TCF20: variants seen among roughly 807,000 people sequenced by gnomAD.
TCF20 encodes the protein SPRE-binding protein.
In TCF20, 3 loss-of-function variants were observed where a neutral mutation model predicts 148.6. The ratio of observed to expected loss-of-function variants is 0.02; its 90% CI spans 0.01 to 0.05. The LOEUF (loss-of-function observed/expected upper bound fraction) is 0.05. TCF20 is among the 10% of genes least tolerant of loss of function. TCF20 has a pLI of 1.00. For synonymous variants in TCF20, 1,049 were observed against 909.5 expected, an observed-to-expected ratio of 1.15 and a Z score of -2.76; for missense variants, 2,350 against 2,429.3, an observed-to-expected ratio of 0.97 and a Z score of 0.69.
intron 1 of TCF20, among the ~76,000 whole-genome samples, chr22:42,227,802 A>G (rs890638869): frequency 1.3e-5 from 2 of 152,176 alleles, no homozygotes. Flanking sequence ...GCAATACCAG[A>G]CACATGGTGC....
chr22:42,170,016 T>C (rs1936026359), intron 3 of TCF20, 120 bp from the exon 4 acceptor site: 4 of 892,444 alleles, frequency 4.5e-6, no homozygotes, highest in South Asian at 3.1e-5. Flanking sequence ...TTACTTCTAA[T>C]AGGAAAACAT....
intron 1 of TCF20, among the ~76,000 whole-genome samples, chr22:42,296,858 G>A (rs775819654): frequency 4.6e-5 from 7 of 152,368 alleles, no homozygotes; most frequent in Non-Finnish European, 8.8e-5. Flanking sequence ...AAAGCAGCAC[G>A]AGGAGCAGGG....
intron 1 of TCF20, among the ~76,000 whole-genome samples, chr22:42,215,713 C>T (rs1030066816): frequency 5.9e-5 from 9 of 152,070 alleles, no homozygotes; most frequent in South Asian, 2.1e-4. Context: ...CCTCGTGATC[C>T]GCCCACCTCG....
At chr22:42,197,700 A>G (rs1937675018) in intron 2 of TCF20, among the ~76,000 whole-genome samples, 1 of 152,206 alleles carries the variant, frequency 6.6e-6, no homozygotes, top group Non-Finnish European at 1.5e-5. Context: ...ATACATCTCA[A>G]TTTTCCAGAG....
chr22:42,301,874 G>T (rs1927342405), intron 1 of TCF20, among the ~76,000 whole-genome samples: 1 of 152,274 alleles, frequency 6.6e-6, no homozygotes, highest in African/African-American at 2.4e-5. Flanking sequence ...CGCTTGGCTG[G>T]ACGGCCACGG....
intron 1 of TCF20, among the ~76,000 whole-genome samples, chr22:42,229,954 A>C (rs1923249828): frequency 6.6e-6 from 1 of 152,204 alleles, no homozygotes; most frequent in South Asian, 2.1e-4. Flanking sequence ...AAGGTCCTCA[A>C]ACAGCAGCCA....
intron 1 of TCF20, among the ~76,000 whole-genome samples, chr22:42,315,976 G>A (rs1030339032): frequency 1.3e-5 from 2 of 151,898 alleles, no homozygotes; most frequent in Non-Finnish European, 2.9e-5. Flanking sequence ...TTAGCTGGGC[G>A]TGGTGGTGCA....
chr22:42,183,261 G>C (rs1936867605), intron 2 of TCF20, among the ~76,000 whole-genome samples: 1 of 152,092 alleles, frequency 6.6e-6, no homozygotes, highest in African/African-American at 2.4e-5. Flanking sequence ...AGAGCAATCA[G>C]ATCTTGGGAT....
chr22:42,322,140 T>G (rs1927744015), intron 1 of TCF20, among the ~76,000 whole-genome samples: 1 of 151,770 alleles, frequency 6.6e-6, no homozygotes, highest in Non-Finnish European at 1.5e-5. Flanking sequence ...TTTTCCTTTC[T>G]CATTCAAAAA....
At chr22:42,264,024 CAG>C (rs1263715613) in intron 1 of TCF20, among the ~76,000 whole-genome samples, 6 of 152,050 alleles carry the variant, frequency 3.9e-5, no homozygotes, top group Admixed American at 3.3e-4. Flanking sequence ...ATTCTATAAT[CAG>C]AGAGTATGGA....
At chr22:42,189,473 T>C (rs1937216910) in intron 2 of TCF20, among the ~76,000 whole-genome samples, 1 of 152,226 alleles carries the variant, frequency 6.6e-6, no homozygotes, top group African/African-American at 2.4e-5. Flanking sequence ...ATGGGTTTAA[T>C]TCCAAATGAC....
At chr22:42,165,158 T>C (rs1935705085) in intron 5 of TCF20, among the ~76,000 whole-genome samples, 3 of 152,196 alleles carry the variant, frequency 2.0e-5, no homozygotes, top group Admixed American at 2.0e-4. Context: ...TCTGGAGGTG[T>C]AACCCTGGAC....
In TCF20 at chr22:42,211,662, G is replaced by A. The variant is rs1197821383; in HGVS notation, c.3644C>T (p.Pro1215Leu). The A allele has an allele frequency of 1.2e-6, 2 of 1,614,192 alleles. No homozygotes were observed. Among genetic ancestry groups the A allele is most frequent in the South Asian group, 1.1e-5 (1 of 91,076 alleles). ...TAGTCCATGTCCATCAGTCTCATGG[G>A]GCGGCCCATACCTTTTTTGACTGGA... ...GMSSQKRYGP[P>L]HETDGHGLAE... The change falls in exon 2 of 6, where the codon CCC becomes CTC. Residue 1215 changes from proline (P) to leucine (L), a missense_variant. Physicochemically the swap from Pro to Leu is moderately conservative, Grantham distance 98. This residue lies in a region of TCF20 where 1,641 missense variants were observed against 1,662.6 expected (regional missense o/e 0.99). Coordinates refer to ENST00000677622, the MANE Select transcript of TCF20 (RefSeq NM_001378418.1).
At chr22:42,254,824 G>A (rs758632478) in intron 1 of TCF20, among the ~76,000 whole-genome samples, 2 of 151,830 alleles carry the variant, frequency 1.3e-5, no homozygotes, top group East Asian at 1.9e-4. Flanking sequence ...AATTAGCCGC[G>A]GGTGGAGGCG....
chr22:42,282,495 G>C (rs1001552899), intron 1 of TCF20, among the ~76,000 whole-genome samples: 1 of 152,234 alleles, frequency 6.6e-6, no homozygotes, highest in Non-Finnish European at 1.5e-5. Context: ...CTCCAGGCCA[G>C]CCAGGCCAGC....
At chr22:42,191,098 T>C (rs74438096) in intron 2 of TCF20, among the ~76,000 whole-genome samples, 1,951 of 152,324 alleles carry the variant, frequency 0.013, 47 homozygotes, top group African/African-American at 0.044. Context: ...ATCCAATCTA[T>C]GTCCCCCTTC....
At chr22:42,239,984 A>G (rs1306708083) in intron 1 of TCF20, among the ~76,000 whole-genome samples, 1 of 152,190 alleles carries the variant, frequency 6.6e-6, no homozygotes, top group Non-Finnish European at 1.5e-5. Flanking sequence ...GTGAAGTACA[A>G]TAAAGTAGAA....
At chr22:42,191,158 T>C (rs924805219) in intron 2 of TCF20, among the ~76,000 whole-genome samples, 1 of 152,256 alleles carries the variant, frequency 6.6e-6, no homozygotes, top group Admixed American at 6.5e-5. Flanking sequence ...AATTTTTCTC[T>C]TGCACAAAAT....
intron 2 of TCF20, among the ~76,000 whole-genome samples, chr22:42,196,155 C>A (rs1318906011): frequency 1.3e-5 from 2 of 152,170 alleles, no homozygotes; most frequent in African/African-American, 4.8e-5. Context: ...TCTGTCCTAC[C>A]CTCAGTGAGG....
Sources: allele counts gnomAD v4.1 joint callset (sites outside exome capture counted in the v4.1 genomes callset), GRCh38; gene constraint gnomAD v4.1.1; regional missense constraint gnomAD v4.1.1; transcripts MANE v1.5; gene names NCBI Gene and HGNC (gene_info 2026-07-23, HGNC 2026-07-21).